The following LHFPL3 variants were observed in gnomAD, a reference collection of about 807,000 sequenced individuals.
LHFPL3 encodes LHFPL tetraspan subfamily member 3 protein.
In LHFPL3, 5 loss-of-function variants were observed where a neutral mutation model predicts 19.3. The observed-to-expected ratio is 0.26, with a 90% CI of 0.14 to 0.54. The LOEUF (loss-of-function observed/expected upper bound fraction) is 0.54, where lower values mean the gene tolerates loss of function less well. Among genes scored for constraint, LHFPL3 ranks in the 20% least tolerant of loss-of-function variants. The pLI is 0.94. For synonymous variants in LHFPL3, 133 were observed against 126.2 expected (o/e 1.05, Z -0.36); for missense variants, 249 against 307.4 (o/e 0.81, Z 1.42).
At chr7:104,742,438 G>C (rs536451220) in intron 2 of LHFPL3, among the ~76,000 whole-genome samples, 1 of 152,280 alleles carries the variant, frequency 6.6e-6, no homozygotes, top group Admixed American at 6.5e-5. Flanking sequence ...TAGTGGAGGA[G>C]GTAGAATAAA....
intron 2 of LHFPL3, among the ~76,000 whole-genome samples, chr7:104,869,626 CT>C (rs1414174797): frequency 4.6e-5 from 7 of 152,048 alleles, no homozygotes; most frequent in Non-Finnish European, 1.0e-4. Context: ...AATAGGAACA[CT>C]TTTACACTGT....
chr7:104,726,456 A>G (rs1793593969), intron 1 of LHFPL3, among the ~76,000 whole-genome samples: 1 of 152,000 alleles, frequency 6.6e-6, no homozygotes, highest in Admixed American at 6.5e-5. Context: ...CCTAGCATGC[A>G]TGAGCTATTT....
intron 1 of LHFPL3, among the ~76,000 whole-genome samples, chr7:104,597,604 A>G (rs1790888863): frequency 6.6e-6 from 1 of 152,208 alleles, no homozygotes; most frequent in Non-Finnish European, 1.5e-5. Context: ...GAAAGGAAGT[A>G]TAATCCTTAT....
At chr7:104,526,391 T>C (rs1235773599) in intron 1 of LHFPL3, among the ~76,000 whole-genome samples, 1 of 152,220 alleles carries the variant, frequency 6.6e-6, no homozygotes, top group African/African-American at 2.4e-5. Context: ...TGTGAAAATA[T>C]AGGGGCTGGC....
intron 2 of LHFPL3, among the ~76,000 whole-genome samples, chr7:104,800,922 T>C (rs1462041198): frequency 6.6e-6 from 1 of 152,210 alleles, no homozygotes; most frequent in Non-Finnish European, 1.5e-5. Context: ...CCGGCTTCCC[T>C]TTATGAGGCT....
chr7:104,903,305 G>T (rs1027976818), intron 2 of LHFPL3, among the ~76,000 whole-genome samples: 1 of 152,216 alleles, frequency 6.6e-6, no homozygotes, highest in Non-Finnish European at 1.5e-5. Context: ...GCCAACAAAT[G>T]ATTCACACCA....
chr7:104,527,056 A>G (rs1353815015), intron 1 of LHFPL3, among the ~76,000 whole-genome samples: 2 of 152,228 alleles, frequency 1.3e-5, no homozygotes, highest in Non-Finnish European at 2.9e-5. Flanking sequence ...TAAGCCTGGA[A>G]TGAAGTGAGA....
At chr7:104,723,489 A>T (rs531435367) in intron 1 of LHFPL3, among the ~76,000 whole-genome samples, 1 of 152,164 alleles carries the variant, frequency 6.6e-6, no homozygotes, top group South Asian at 2.1e-4. Flanking sequence ...TGGGAGGCAG[A>T]GGTGGGTGGA....
intron 1 of LHFPL3, among the ~76,000 whole-genome samples, chr7:104,607,011 T>C (rs1342090498): frequency 6.6e-6 from 1 of 152,074 alleles, no homozygotes; most frequent in Non-Finnish European, 1.5e-5. Flanking sequence ...ATAGGAGCAA[T>C]TGGCAAGGTC....
chr7:104,480,150 T>G (rs1431395267), intron 1 of LHFPL3, among the ~76,000 whole-genome samples: 1 of 152,186 alleles, frequency 6.6e-6, no homozygotes, highest in African/African-American at 2.4e-5. Flanking sequence ...CAGACCCCAG[T>G]GTGAATCCTG....
At chr7:104,569,378 G>C (rs1252344730) in intron 1 of LHFPL3, among the ~76,000 whole-genome samples, 1 of 152,152 alleles carries the variant, frequency 6.6e-6, no homozygotes, top group African/African-American at 2.4e-5. Context: ...AATGACATTT[G>C]ACCTGCAAAC....
intron 1 of LHFPL3, among the ~76,000 whole-genome samples, chr7:104,489,788 T>C (rs760472445): frequency 6.6e-6 from 1 of 152,098 alleles, no homozygotes; most frequent in Non-Finnish European, 1.5e-5. Flanking sequence ...TTAGGAAGAT[T>C]TGGCTTTCTG....
chr7:104,620,178 C>A (rs1791419128), intron 1 of LHFPL3, among the ~76,000 whole-genome samples: 1 of 152,030 alleles, frequency 6.6e-6, no homozygotes, highest in African/African-American at 2.4e-5. Context: ...CTCAAGGGAC[C>A]CTAAGACAAG....
At chr7:104,622,152 A>G (rs1419764007) in intron 1 of LHFPL3, among the ~76,000 whole-genome samples, 1 of 152,122 alleles carries the variant, frequency 6.6e-6, no homozygotes, top group Non-Finnish European at 1.5e-5. Context: ...CCCAGGCTGG[A>G]GTGCAGAGGC....
At chr7:104,590,890 T>A (rs1790702355) in intron 1 of LHFPL3, among the ~76,000 whole-genome samples, 1 of 152,334 alleles carries the variant, frequency 6.6e-6, no homozygotes, top group South Asian at 2.1e-4. Flanking sequence ...TGTCTTTTGA[T>A]CTTTGTTGGT....
At chr7:104,878,249 C>T (rs1304628536) in intron 2 of LHFPL3, among the ~76,000 whole-genome samples, 4 of 146,538 alleles carry the variant, frequency 2.7e-5, no homozygotes, top group African/African-American at 5.1e-5. Flanking sequence ...TTCACTTTAT[C>T]GTGCTTTACA....
intron 2 of LHFPL3, chr7:104,786,710 G>GTGTGTGTT (rs1789923523): frequency 6.6e-6 from 1 of 151,718 alleles, no homozygotes; most frequent in Non-Finnish European, 1.5e-5. Flanking sequence ...GTGTGTGTGT[G>GTGTGTGTT]TGTGTGTGTA....
intron 1 of LHFPL3, among the ~76,000 whole-genome samples, chr7:104,715,210 C>G (rs1250241207): frequency 2.0e-5 from 3 of 152,142 alleles, no homozygotes; most frequent in Non-Finnish European, 4.4e-5. Context: ...AAGACCCTGT[C>G]TCAAAAACTA....
At chr7:104,491,570 C>T (rs1256952267) in intron 1 of LHFPL3, among the ~76,000 whole-genome samples, 1 of 151,986 alleles carries the variant, frequency 6.6e-6, no homozygotes, top group Non-Finnish European at 1.5e-5. Context: ...CAGGGCAGTA[C>T]CAGATACCTG....
Sources: allele counts gnomAD v4.1 joint callset (sites outside exome capture counted in the v4.1 genomes callset), GRCh38; gene constraint gnomAD v4.1.1; transcripts MANE v1.5; gene names NCBI Gene and HGNC (gene_info 2026-07-23, HGNC 2026-07-21).